GPC3: variants seen among roughly 807,000 people sequenced by gnomAD.
GPC3 encodes glypican 3, also known as glypican-3.
GPC3 carries 3 observed loss-of-function variants against 34.4 expected under a neutral mutation model. The observed-to-expected ratio is 0.09, with a 90% CI of 0.04 to 0.23. The LOEUF (loss-of-function observed/expected upper bound fraction) is 0.23, where lower values mean the gene tolerates loss of function less well. Ranked by LOEUF, GPC3 falls within the 10% of genes least tolerant of loss-of-function variation. GPC3 has a pLI of 1.00. For missense variants in GPC3, 351 were observed against 445.6 expected (o/e 0.79, Z 1.91); for synonymous variants, 177 against 174.0 (o/e 1.02, Z -0.13).
intron 5 of GPC3, among the ~76,000 whole-genome samples, chrX:133,663,528 G>A (rs2872469): frequency 1.8e-4 from 20 of 111,308 alleles, no homozygotes; most frequent in Non-Finnish European, 3.2e-4. Context: ...CTGAGATTAC[G>A]GGCATGAGCC....
chrX:133,956,498 T>C (rs1273352539), intron 1 of GPC3, among the ~76,000 whole-genome samples: 2 of 112,195 alleles, frequency 1.8e-5, no homozygotes, highest in East Asian at 2.8e-4. Flanking sequence ...TATGTAGACA[T>C]GAAAAATCCT....
At chrX:133,625,769 C>T (rs1261642972) in intron 6 of GPC3, among the ~76,000 whole-genome samples, 1 of 111,894 alleles carries the variant, frequency 8.9e-6, no homozygotes, top group African/African-American at 3.2e-5. Flanking sequence ...AATGCCATCC[C>T]CATCAAGCTA....
intron 5 of GPC3, among the ~76,000 whole-genome samples, chrX:133,669,291 A>C (rs2070803516): frequency 8.9e-6 from 1 of 112,236 alleles, no homozygotes; most frequent in South Asian, 3.7e-4. Context: ...AGGAAAACAA[A>C]TGCAGCATAA....
chrX:133,559,868 G>A (rs893422402), intron 7 of GPC3, among the ~76,000 whole-genome samples: 2 of 110,787 alleles, frequency 1.8e-5, no homozygotes, highest in Non-Finnish European at 3.8e-5. Flanking sequence ...TCATCTACCC[G>A]CCCACCCTTT....
chrX:133,857,955 G>T (rs1394443107), intron 2 of GPC3, among the ~76,000 whole-genome samples: 1 of 111,941 alleles, frequency 8.9e-6, no homozygotes, highest in Non-Finnish European at 1.9e-5. Flanking sequence ...TATAAGAGTG[G>T]GTTAGCAGAG....
intron 3 of GPC3, among the ~76,000 whole-genome samples, chrX:133,746,091 C>T (rs1354167013): frequency 8.9e-6 from 1 of 112,290 alleles, no homozygotes; most frequent in African/African-American, 3.2e-5. Flanking sequence ...AGGGATCTGG[C>T]ACAAATGCTA....
intron 6 of GPC3, among the ~76,000 whole-genome samples, chrX:133,602,320 A>T (rs772564283): frequency 9.0e-6 from 1 of 111,642 alleles, no homozygotes; most frequent in Non-Finnish European, 1.9e-5. Context: ...GATAGGAGGA[A>T]TTAGTTCTAG....
intron 2 of GPC3, among the ~76,000 whole-genome samples, chrX:133,897,704 GC>G (rs750003967): frequency 3.6e-5 from 4 of 111,146 alleles, no homozygotes; most frequent in Non-Finnish European, 7.5e-5. Context: ...TTCTTTGGAA[GC>G]CTCAAATCAC....
At chrX:133,641,579 GA>G (rs2070482098) in intron 6 of GPC3, among the ~76,000 whole-genome samples, 1 of 111,249 alleles carries the variant, frequency 9.0e-6, no homozygotes, top group African/African-American at 3.3e-5. Flanking sequence ...GAGAGAAAAG[GA>G]GAAAAACTAG....
At chrX:133,673,673 C>T (rs1250951011) in intron 5 of GPC3, among the ~76,000 whole-genome samples, 1 of 112,112 alleles carries the variant, frequency 8.9e-6, no homozygotes, top group Non-Finnish European at 1.9e-5. Flanking sequence ...CTGGTGCCCC[C>T]ACCTGCTGTG....
chrX:133,702,758 C>T (rs929537010), intron 3 of GPC3, among the ~76,000 whole-genome samples: 3 of 111,544 alleles, frequency 2.7e-5, no homozygotes, highest in Admixed American at 1.9e-4. Flanking sequence ...TGGGGTAAGG[C>T]GCAAACAATG....
intron 6 of GPC3, among the ~76,000 whole-genome samples, chrX:133,631,775 T>C (rs764242143): frequency 9.4e-4 from 105 of 111,648 alleles, no homozygotes; most frequent in Admixed American, 1.8e-3. Context: ...CCCCAACACT[T>C]GTTATTTTCT....
rs2071796328 is a variant in GPC3, at chrX:133,761,961, C to A, written c.338-7785G>T. On this transcript the variant is annotated intron_variant, in intron 2 of 7. Transcript: ENST00000370818. ...GTCATAATCTTACACCTGGCTCCAT[C>A]TTACATTCCCCTTTGCCTGATAGTT... Among the ~76,000 whole-genome samples the A allele has an allele frequency of 2.7e-5, 3 of 112,144 alleles. No homozygotes were observed. The South Asian group carries it at 1.1e-3, about 41-fold the overall frequency.
chrX:133,643,112 C>T (rs1323022262), intron 6 of GPC3, among the ~76,000 whole-genome samples: 1 of 112,325 alleles, frequency 8.9e-6, no homozygotes, highest in Non-Finnish European at 1.9e-5. Flanking sequence ...TCACTGTGCA[C>T]ACATCTCTGA....
intron 2 of GPC3, among the ~76,000 whole-genome samples, chrX:133,884,548 T>C (rs1471914214): frequency 9.0e-6 from 1 of 111,603 alleles, no homozygotes; most frequent in African/African-American, 3.3e-5. Context: ...CCGTTTGAGA[T>C]AGTTATTACT....
chrX:133,654,487 G>A (rs1031635346), intron 6 of GPC3, among the ~76,000 whole-genome samples: 3 of 111,388 alleles, frequency 2.7e-5, no homozygotes, highest in African/African-American at 6.5e-5. Flanking sequence ...CGAGGCAGGC[G>A]GATCACCTGA....
intron 2 of GPC3, among the ~76,000 whole-genome samples, chrX:133,786,274 A>T (rs909988058): frequency 1.8e-5 from 2 of 111,691 alleles, no homozygotes; most frequent in Admixed American, 1.9e-4. Flanking sequence ...AGGCACCTGT[A>T]ATCCCAGCTA....
chrX:133,764,088 C>A (rs2071824733), intron 2 of GPC3, among the ~76,000 whole-genome samples: 1 of 111,914 alleles, frequency 8.9e-6, no homozygotes, highest in Admixed American at 9.5e-5. Context: ...TACTACACAG[C>A]CATAGAAAAG....
intron 6 of GPC3, among the ~76,000 whole-genome samples, chrX:133,625,228 T>C (rs2070286334): frequency 8.9e-6 from 1 of 111,754 alleles, no homozygotes. Flanking sequence ...GGGGAAAAAC[T>C]GGAAGCATTT....
Sources: gnomAD v4.1 joint callset for allele counts (sites outside exome capture counted in the v4.1 genomes callset) on GRCh38, gnomAD v4.1.1 for gene constraint, MANE v1.5 for transcripts, NCBI Gene and HGNC (gene_info 2026-07-23, HGNC 2026-07-21) for gene names.